The following TMEM132D variants were observed in gnomAD, a reference collection of about 807,000 sequenced individuals.
The protein encoded by TMEM132D is mature OL transmembrane protein.
In TMEM132D, 21 loss-of-function variants were observed where a neutral mutation model predicts 62.3. The observed-to-expected ratio is 0.34, with a 90% CI of 0.24 to 0.49. The LOEUF (loss-of-function observed/expected upper bound fraction) is 0.49. TMEM132D is among the 20% of genes least tolerant of loss of function. The pLI, the probability that TMEM132D is intolerant of heterozygous loss-of-function variation, is 0.99. For missense variants in TMEM132D, 1,346 were observed against 1,402.8 expected (o/e 0.96, Z 0.65); for synonymous variants, 621 against 575.6 (o/e 1.08, Z -1.13).
chr12:129,281,541 G>A (rs1881152211), intron 4 of TMEM132D, among the ~76,000 whole-genome samples: 1 of 152,028 alleles, frequency 6.6e-6, no homozygotes, highest in Non-Finnish European at 1.5e-5. Context: ...TTGATGGAGA[G>A]GCATTTGTTT....
intron 4 of TMEM132D, among the ~76,000 whole-genome samples, chr12:129,317,599 A>G (rs1868527996): frequency 6.6e-6 from 1 of 152,168 alleles, no homozygotes; most frequent in African/African-American, 2.4e-5. Context: ...TTGACTTTAG[A>G]TAACCTGATG....
intron 1 of TMEM132D, among the ~76,000 whole-genome samples, chr12:129,789,658 T>G (rs970535308): frequency 6.6e-6 from 1 of 152,122 alleles, no homozygotes; most frequent in Non-Finnish European, 1.5e-5. Context: ...CACTTAGAAG[T>G]CTCTGACATG....
At chr12:129,356,823 C>T (rs1464681546) in intron 3 of TMEM132D, among the ~76,000 whole-genome samples, 1 of 150,736 alleles carries the variant, frequency 6.6e-6, no homozygotes, top group Admixed American at 6.6e-5. Context: ...TGAGATTGTG[C>T]CACTGCACTC....
chr12:129,399,224 C>T (rs1466463948), intron 3 of TMEM132D, among the ~76,000 whole-genome samples: 1 of 144,412 alleles, frequency 6.9e-6, no homozygotes, highest in Non-Finnish European at 1.5e-5. Context: ...CCCACTTCTG[C>T]AGTAGCTAAC....
At chr12:129,611,825 G>A (rs765896734) in intron 2 of TMEM132D, among the ~76,000 whole-genome samples, 35 of 151,902 alleles carry the variant, frequency 2.3e-4, no homozygotes, top group Non-Finnish European at 4.1e-4. Context: ...GGGGAGCACA[G>A]GGCTATTGGA....
At chr12:129,616,043 G>A (rs1300869259) in intron 2 of TMEM132D, among the ~76,000 whole-genome samples, 1 of 152,108 alleles carries the variant, frequency 6.6e-6, no homozygotes, top group Non-Finnish European at 1.5e-5. Flanking sequence ...CAAAACAGGA[G>A]AAACAAAACA....
At chr12:129,128,876 C>G (rs1034838295) in intron 5 of TMEM132D, among the ~76,000 whole-genome samples, 1 of 152,186 alleles carries the variant, frequency 6.6e-6, no homozygotes, top group African/African-American at 2.4e-5. Context: ...TCCTAGTTCA[C>G]TTAGGATGAT....
At chr12:129,533,309 G>T (rs1056108020) in intron 2 of TMEM132D, among the ~76,000 whole-genome samples, 3 of 152,204 alleles carry the variant, frequency 2.0e-5, no homozygotes, top group Non-Finnish European at 4.4e-5. Context: ...GAGACACTGG[G>T]CGAATAGTTA....
chr12:129,799,448 CAT>C (rs1165272559), intron 1 of TMEM132D, among the ~76,000 whole-genome samples: 3 of 145,632 alleles, frequency 2.1e-5, no homozygotes, highest in East Asian at 2.0e-4. Flanking sequence ...TATATATATA[CAT>C]ATATATATAG....
intron 4 of TMEM132D, among the ~76,000 whole-genome samples, chr12:129,304,595 C>T (rs560463700): frequency 6.6e-6 from 1 of 152,190 alleles, no homozygotes; most frequent in South Asian, 2.1e-4. Flanking sequence ...TAGCTCTTTC[C>T]CATTTATACG....
At chr12:129,140,103 G>A (rs7956184) in intron 5 of TMEM132D, among the ~76,000 whole-genome samples, 42,391 of 151,546 alleles carry the variant, frequency 0.28, 6,531 homozygotes, top group African/African-American at 0.41. Flanking sequence ...AAATTCAACA[G>A]TCTTATGCAT....
chr12:129,902,540 A>G (rs1875394014), intron 1 of TMEM132D, among the ~76,000 whole-genome samples: 1 of 152,214 alleles, frequency 6.6e-6, no homozygotes, highest in South Asian at 2.1e-4. Flanking sequence ...AGAAGAGGAA[A>G]CATTGAGGAA....
At chr12:129,297,135 G>C (rs1018904952) in intron 4 of TMEM132D, among the ~76,000 whole-genome samples, 1 of 152,204 alleles carries the variant, frequency 6.6e-6, no homozygotes, top group Non-Finnish European at 1.5e-5. Context: ...CGTCTTTAGT[G>C]TCAGAGGAAA....
intron 1 of TMEM132D, among the ~76,000 whole-genome samples, chr12:129,810,511 G>T (rs1323610488): frequency 6.6e-6 from 1 of 151,524 alleles, no homozygotes; most frequent in Admixed American, 6.6e-5. Context: ...TGGTGGTCCT[G>T]CATATAAATT....
At chr12:129,629,727 A>T (rs1879307789) in intron 2 of TMEM132D, among the ~76,000 whole-genome samples, 1 of 152,132 alleles carries the variant, frequency 6.6e-6, no homozygotes, top group Non-Finnish European at 1.5e-5. Context: ...GACAGCCAAT[A>T]AGCTCAGTAT....
chr12:129,338,788 A>G (rs556621671), intron 3 of TMEM132D, among the ~76,000 whole-genome samples: 1 of 152,334 alleles, frequency 6.6e-6, no homozygotes, highest in South Asian at 2.1e-4. Context: ...TTGTTCTTTT[A>G]TATGTGACAA....
At chr12:129,428,684 C>G (rs1258077040) in intron 3 of TMEM132D, among the ~76,000 whole-genome samples, 1 of 152,178 alleles carries the variant, frequency 6.6e-6, no homozygotes, top group Non-Finnish European at 1.5e-5. Flanking sequence ...TATTTGGCTT[C>G]CAGAGGCATT....
At chr12:129,572,843 A>G (rs1302991783) in intron 2 of TMEM132D, among the ~76,000 whole-genome samples, 2 of 152,114 alleles carry the variant, frequency 1.3e-5, no homozygotes, top group African/African-American at 4.8e-5. Context: ...ATTCTGAGGA[A>G]AGCCAATTTC....
chr12:129,344,959 G>A (rs1266789761), intron 3 of TMEM132D, among the ~76,000 whole-genome samples: 10 of 152,030 alleles, frequency 6.6e-5, no homozygotes, highest in Non-Finnish European at 1.5e-4. Context: ...CCACTATGCC[G>A]ACTAGGTGTG....
Sources: allele counts gnomAD v4.1 joint callset (sites outside exome capture counted in the v4.1 genomes callset), GRCh38; gene constraint gnomAD v4.1.1; transcripts MANE v1.5; gene names NCBI Gene and HGNC (gene_info 2026-07-23, HGNC 2026-07-21).